The following SDK2 variants were observed in gnomAD, a reference collection of about 807,000 sequenced individuals.
The protein encoded by SDK2 is protein sidekick-2.
A neutral mutation model predicts 253.9 loss-of-function variants in SDK2; 105 were observed. The ratio of observed to expected loss-of-function variants is 0.41; its 90% confidence interval spans 0.35 to 0.49. The LOEUF is 0.49. Ranked by LOEUF, SDK2 falls within the 20% of genes least tolerant of loss-of-function variation. The pLI is 0.06. For missense variants in SDK2, 2,608 were observed against 3,003.0 expected, an observed-to-expected ratio of 0.87 and a Z score of 3.07; for synonymous variants, 1,249 against 1,234.9, an observed-to-expected ratio of 1.01 and a Z score of -0.24.
Position 73,379,145 on chromosome 17 carries a change from G to T in SDK2, c.4980+32C>A. ...GCCTCCGACCTGGCTTCTCATCCGT[G>T]CACCCCTTTGCTCTGCCCGAGGGCA... On this transcript the variant is annotated intron_variant, in intron 36 of 44. Coordinates refer to ENST00000392650, the MANE Select transcript of SDK2 (RefSeq NM_001144952.2). This position sits in a 1 kb window ranked among gnomAD's most constrained non-coding sequence, Gnocchi z 4.5. The T allele has an allele frequency of 6.7e-7, 1 of 1,496,442 alleles. No homozygotes were observed. The highest frequency in any genetic ancestry group is 9.1e-7 in the Non-Finnish European group (1 of 1,097,304). The allele number at this position is 1,496,442 out of a possible 1,614,324, so 92.7% of individuals were successfully genotyped here.
Position 73,398,385 on chromosome 17 carries a change from C to G in SDK2, c.3138G>C (p.Gln1046His), listed in dbSNP as rs1568382252. Residue 1046 changes from glutamine to histidine, a missense_variant, in exon 23 of 45, where the codon CAG becomes CAC. This residue lies in a region of SDK2 where 1,505 missense variants were observed against 1,859.1 expected (regional missense o/e 0.81). Transcript: ENST00000392650. ...AGCGGGCATCGGGCTCATTGGAGAG[C>G]TGGTGGATCAGCAACCACTCCTCTC... ...GEGEEWLLIH[Q>H]LSNEPDARSM... 6.2e-7 allele frequency: 1 copy of G among 1,613,852 alleles called. No homozygotes were observed. Among genetic ancestry groups the G allele is most frequent in the African/African-American group, 1.3e-5 (1 of 74,924 alleles).
chr17:73,509,027 A>G (rs2063957300), intron 1 of SDK2, among the ~76,000 whole-genome samples: 1 of 152,128 alleles, frequency 6.6e-6, no homozygotes, highest in Non-Finnish European at 1.5e-5. Context: ...TCCAGTGACC[A>G]CACTGTGCCC....
At chr17:73,536,509 C>A (rs1162962318) in intron 1 of SDK2, among the ~76,000 whole-genome samples, 7 of 152,250 alleles carry the variant, frequency 4.6e-5, no homozygotes, top group Non-Finnish European at 1.0e-4. Flanking sequence ...CACCTCCCAC[C>A]TCTCTTTGTA....
intron 1 of SDK2, among the ~76,000 whole-genome samples, chr17:73,604,513 T>C (rs2045882381): frequency 1.3e-5 from 2 of 152,218 alleles, no homozygotes; most frequent in South Asian, 4.1e-4. Flanking sequence ...GAACAAACAG[T>C]TGCTCTGGGA....
chr17:73,423,818 G>T, intron 13 of SDK2, 98 bp downstream of exon 13: 1 of 979,416 alleles, frequency 1.0e-6, no homozygotes, highest in Non-Finnish European at 1.4e-6. Context: ...GGTCACACGT[G>T]GCCTGGGGAT....
chr17:73,396,344 C>T (rs2062970812), intron 24 of SDK2, among the ~76,000 whole-genome samples: 1 of 152,124 alleles, frequency 6.6e-6, no homozygotes, highest in Admixed American at 6.5e-5. Flanking sequence ...AGGGCCTGGC[C>T]TCCACTACTC....
At chr17:73,557,342 G>A (rs570346135) in intron 1 of SDK2, among the ~76,000 whole-genome samples, 3 of 150,890 alleles carry the variant, frequency 2.0e-5, no homozygotes, top group Admixed American at 6.6e-5. Flanking sequence ...CTTGCCTGTC[G>A]CCCAGGCTGG....
At position 73,393,606 on chromosome 17, in the gene SDK2, G is replaced by A. The variant is rs753448445; in HGVS notation, c.3852C>T (p.Asp1284=). ...GGATGGGAGGGTGGCTGGGGCTGCC[G>A]TCCCCGATGCGTGTGAAGGCCAGCA... ...VQVLAFTRIG[D]GSPSHPPILE... Residue 1284 remains aspartate, a synonymous_variant, in exon 27 of 45, where the codon GAC becomes GAT. Transcript: ENST00000392650. 50 of 1,583,582 alleles carry A rather than the reference G, an allele frequency of 3.2e-5. No homozygotes were observed. The highest frequency in any genetic ancestry group is 1.0e-4 in the Admixed American group (6 of 58,722).
chr17:73,540,861 C>T (rs1446495566), intron 1 of SDK2, among the ~76,000 whole-genome samples: 1 of 152,228 alleles, frequency 6.6e-6, no homozygotes, highest in Admixed American at 6.5e-5. Flanking sequence ...GGCAGGTGAG[C>T]ACTTGACAGG....
In SDK2 at chr17:73,361,323, G is replaced by C. The variant is rs1230712554; in HGVS notation, c.5467+361C>G. ...ATGGCTCTGGCTGGGCGAAAGGCAGGGGCACCTGCCAGGCTGCATCCTTCC... is the reference window on the plus strand; with the variant it reads ...ATGGCTCTGGCTGGGCGAAAGGCAGCGGCACCTGCCAGGCTGCATCCTTCC... On this transcript the variant is annotated intron_variant, in intron 39 of 44. Transcript: ENST00000392650. This position sits in a 1 kb window ranked among gnomAD's most constrained non-coding sequence, Gnocchi z 4.1. 1.3e-5 allele frequency among the ~76,000 whole-genome samples: 2 copies of C among 152,196 alleles called. No individual in the cohort carries two copies. The highest frequency in any genetic ancestry group is 2.4e-5 in the African/African-American group (1 of 41,458).
intron 1 of SDK2, among the ~76,000 whole-genome samples, chr17:73,590,181 C>A (rs72845789): frequency 6.6e-6 from 1 of 152,126 alleles, no homozygotes; most frequent in East Asian, 1.9e-4. Context: ...TTTAGCAAGA[C>A]GAGAATTGGA....
At chr17:73,597,024 C>T (rs1357267801) in intron 1 of SDK2, among the ~76,000 whole-genome samples, 1 of 152,220 alleles carries the variant, frequency 6.6e-6, no homozygotes, top group Non-Finnish European at 1.5e-5. Flanking sequence ...TCTGAACCTG[C>T]TCCATGCCCA....
In SDK2 at chr17:73,452,649, T is replaced by C. The variant is rs893234560; in HGVS notation, c.479+3257A>G. Among the ~76,000 whole-genome samples the C allele has an allele frequency of 4.6e-5, 7 of 152,206 alleles. No homozygotes were observed. The South Asian group carries it at 1.0e-3, about 23-fold the overall frequency. ...AAAGGGTTTCACCCACCACAACAAA[T>C]GTAGCAGGAAAGTGCCAGCACACCC... is the stretch of plus-strand genomic sequence containing the variant. On this transcript the variant is annotated intron_variant, in intron 4 of 44. Transcript: ENST00000392650.
In SDK2 at chr17:73,496,907, T is replaced by G. The variant is rs543731691; in HGVS notation, c.224+10531A>C. Among the ~76,000 whole-genome samples, 56 of 152,330 alleles carry G rather than the reference T, an allele frequency of 3.7e-4. No homozygotes were observed. In the South Asian group the frequency reaches 0.011, roughly 31 times the overall value. On this transcript the variant is annotated intron_variant, in intron 2 of 44. Transcript: ENST00000392650. The surrounding 1 kb of genome is among the most constrained non-coding windows in gnomAD (Gnocchi z 4.7). ...GACGATTTATTTATTTGTTTTTATT[T>G]ATGTTTTGAGATGGGGTCTCGCTTT...
At chr17:73,621,064 T>A (rs1011388499) in intron 1 of SDK2, among the ~76,000 whole-genome samples, 6 of 152,208 alleles carry the variant, frequency 3.9e-5, no homozygotes, top group Non-Finnish European at 8.8e-5. Context: ...AAACTCACAG[T>A]CTAGAATTCA....
At chr17:73,421,804 G>A (rs1033208140) in intron 15 of SDK2, among the ~76,000 whole-genome samples, 4 of 151,796 alleles carry the variant, frequency 2.6e-5, no homozygotes, top group African/African-American at 4.8e-5. Flanking sequence ...CAGGTGATCC[G>A]CCCGCCTCAG....
At chr17:73,356,387 C>G (rs913541102) in intron 40 of SDK2, among the ~76,000 whole-genome samples, 3 of 152,150 alleles carry the variant, frequency 2.0e-5, no homozygotes, top group African/African-American at 7.2e-5. Context: ...CCGCCAGCCC[C>G]GGGAGTTGGC....
chr17:73,382,855 A>G (rs79205378), intron 33 of SDK2, among the ~76,000 whole-genome samples: 2 of 143,038 alleles, frequency 1.4e-5, no homozygotes, highest in African/African-American at 2.5e-5. Context: ...CAACAACAAC[A>G]ACGACAACAA....
At chr17:73,424,601 A>G (rs2063264344) in intron 12 of SDK2, among the ~76,000 whole-genome samples, 1 of 152,240 alleles carries the variant, frequency 6.6e-6, no homozygotes, top group Non-Finnish European at 1.5e-5. Flanking sequence ...GGCTTGAGAA[A>G]TTACACACGC....
Sources: allele counts gnomAD v4.1 joint callset (sites outside exome capture counted in the v4.1 genomes callset), GRCh38; gene constraint gnomAD v4.1.1; regional missense constraint gnomAD v4.1.1; non-coding constraint Gnocchi (gnomAD v3.1); transcripts MANE v1.5; gene names NCBI Gene and HGNC (gene_info 2026-07-23, HGNC 2026-07-21).